The following GABRA2 variants were observed in gnomAD, a reference collection of about 807,000 sequenced individuals.
GABRA2 encodes gamma-aminobutyric acid receptor subunit alpha-2.
A neutral mutation model predicts 48.7 loss-of-function variants in GABRA2; 16 were observed. That is an observed-to-expected ratio of 0.33 (90% CI 0.22 to 0.50). GABRA2 has a LOEUF of 0.50. Ranked by LOEUF, GABRA2 falls within the 20% of genes least tolerant of loss-of-function variation. GABRA2 has a pLI of 0.98. For synonymous variants in GABRA2, 185 were observed against 184.5 expected, an observed-to-expected ratio of 1.00 and a Z score of -0.02; for missense variants, 275 against 535.6, an observed-to-expected ratio of 0.51 and a Z score of 4.80.
chr4:46,374,811 C>T (rs576076193), intron 3 of GABRA2, among the ~76,000 whole-genome samples: 1 of 150,854 alleles, frequency 6.6e-6, no homozygotes, highest in Non-Finnish European at 1.5e-5. Context: ...ATCATATTCT[C>T]TAAGAATACT....
intron 3 of GABRA2, among the ~76,000 whole-genome samples, chr4:46,338,149 G>A (rs1395558314): frequency 6.6e-6 from 1 of 151,806 alleles, no homozygotes; most frequent in East Asian, 1.9e-4. Flanking sequence ...AGTACATGTA[G>A]AGTTGAAAAG....
intron 8 of GABRA2, among the ~76,000 whole-genome samples, chr4:46,286,752 G>T (rs1722619427): frequency 6.6e-6 from 1 of 151,904 alleles, no homozygotes; most frequent in African/African-American, 2.4e-5. Flanking sequence ...ACTTCCTTTT[G>T]TGAAAAGTCT....
chr4:46,331,779 T>C (rs1271928516), intron 4 of GABRA2, among the ~76,000 whole-genome samples: 1 of 152,162 alleles, frequency 6.6e-6, no homozygotes, highest in Non-Finnish European at 1.5e-5. Flanking sequence ...TCATGCAGAC[T>C]GGAGTGCAGT....
At chr4:46,339,736 A>G (rs1732891920) in intron 3 of GABRA2, among the ~76,000 whole-genome samples, 1 of 151,750 alleles carries the variant, frequency 6.6e-6, no homozygotes, top group African/African-American at 2.4e-5. Context: ...TCTTCCCTAA[A>G]TCCTTCACTC....
At chr4:46,344,799 A>C (rs1733869760) in intron 3 of GABRA2, among the ~76,000 whole-genome samples, 1 of 151,976 alleles carries the variant, frequency 6.6e-6, no homozygotes, top group African/African-American at 2.4e-5. Context: ...ATCTAGTGGT[A>C]AGAAAGTTGA....
intron 3 of GABRA2, among the ~76,000 whole-genome samples, chr4:46,377,467 C>T (rs1174766120): frequency 1.5e-5 from 2 of 133,710 alleles, no homozygotes; most frequent in Non-Finnish European, 3.4e-5. Context: ...GGCAACCGCC[C>T]CGTCTGAGAA....
At chr4:46,311,611 T>C (rs983182734) in intron 5 of GABRA2, among the ~76,000 whole-genome samples, 2 of 152,150 alleles carry the variant, frequency 1.3e-5, no homozygotes, top group Non-Finnish European at 2.9e-5. Flanking sequence ...TGCAAGAAAA[T>C]TTTATTACAG....
intron 4 of GABRA2, among the ~76,000 whole-genome samples, chr4:46,324,043 C>T (rs1430569664): frequency 1.3e-5 from 2 of 151,840 alleles, no homozygotes; most frequent in Non-Finnish European, 2.9e-5. Context: ...TCTGTCTCGC[C>T]TCCTCTCTTC....
At chr4:46,364,790 T>C (rs1182157835) in intron 3 of GABRA2, 1 of 152,124 alleles carries the variant, frequency 6.6e-6, no homozygotes, top group African/African-American at 2.4e-5. Flanking sequence ...TCAGACCCAC[T>C]CGGATAATGT....
chr4:46,389,380 G>C, intron 1 of GABRA2: 1 of 985,380 alleles, frequency 1.0e-6, no homozygotes, highest in Non-Finnish European at 1.2e-6. Flanking sequence ...CGACGCGTTT[G>C]ACAGCTGCTC....
intron 8 of GABRA2, among the ~76,000 whole-genome samples, chr4:46,291,583 A>G (rs1434748972): frequency 6.6e-6 from 1 of 152,004 alleles, no homozygotes; most frequent in East Asian, 1.9e-4. Flanking sequence ...AAAACGTGAA[A>G]AGGCTAGCCT....
chr4:46,297,476 C>CATATATATATAT (rs56201706), intron 8 of GABRA2, among the ~76,000 whole-genome samples: 1,055 of 87,412 alleles, frequency 0.012, 41 homozygotes, highest in Non-Finnish European at 0.016. Flanking sequence ...AATAAAATCC[C>CATATATATATAT]ATATATATAT....
chr4:46,344,904 T>A (rs1278168676), intron 3 of GABRA2, among the ~76,000 whole-genome samples: 3 of 151,978 alleles, frequency 2.0e-5, no homozygotes, highest in South Asian at 4.1e-4. Context: ...AGTTTTATAG[T>A]TTAGGTAATC....
At chr4:46,359,104 G>T (rs1206466317) in intron 3 of GABRA2, among the ~76,000 whole-genome samples, 2 of 152,140 alleles carry the variant, frequency 1.3e-5, no homozygotes, top group African/African-American at 4.8e-5. Flanking sequence ...CATAAAGATA[G>T]TAAGCAGCAG....
intron 4 of GABRA2, among the ~76,000 whole-genome samples, chr4:46,315,996 T>C (rs1728493255): frequency 6.6e-6 from 1 of 151,560 alleles, no homozygotes; most frequent in Non-Finnish European, 1.5e-5. Flanking sequence ...TTTTAAACAT[T>C]CATATACACA....
intron 8 of GABRA2, among the ~76,000 whole-genome samples, chr4:46,293,476 G>A (rs1007661409): frequency 1.3e-5 from 2 of 152,166 alleles, no homozygotes; most frequent in African/African-American, 4.8e-5. Flanking sequence ...GATCCAAAAC[G>A]TCACTGTGGT....
At chr4:46,273,817 A>G (rs1387287340) in intron 8 of GABRA2, among the ~76,000 whole-genome samples, 1 of 152,016 alleles carries the variant, frequency 6.6e-6, no homozygotes, top group Non-Finnish European at 1.5e-5. Context: ...AGGCTTGCCA[A>G]CACTAGACTG....
chr4:46,329,645 T>G (rs1730997211), intron 4 of GABRA2, among the ~76,000 whole-genome samples: 1 of 152,124 alleles, frequency 6.6e-6, no homozygotes, highest in Non-Finnish European at 1.5e-5. Context: ...ATTTCTTAAT[T>G]CTCTATCACT....
intron 3 of GABRA2, among the ~76,000 whole-genome samples, chr4:46,338,146 G>T (rs548703189): frequency 3.9e-5 from 6 of 151,956 alleles, no homozygotes; most frequent in African/African-American, 1.4e-4. Context: ...AATAGTACAT[G>T]TAGAGTTGAA....
Sources: gnomAD v4.1 joint callset for allele counts (sites outside exome capture counted in the v4.1 genomes callset) on GRCh38, gnomAD v4.1.1 for gene constraint, MANE v1.5 for transcripts, NCBI Gene and HGNC (gene_info 2026-07-23, HGNC 2026-07-21) for gene names.